KIF16B: variants seen among roughly 807,000 people sequenced by gnomAD.
KIF16B encodes the protein kinesin family member 16B.
Under a neutral mutation model 156.3 loss-of-function variants are expected in KIF16B, and 98 were observed. The ratio of observed to expected loss-of-function variants is 0.63; its 90% CI spans 0.53 to 0.74. The LOEUF (loss-of-function observed/expected upper bound fraction) is 0.74. Among genes scored for constraint, KIF16B ranks in the 30% least tolerant of loss-of-function variants. The probability of loss-of-function intolerance (pLI) is 0.00; values close to 1 mark genes in which losing one functional copy is unlikely to be tolerated. For synonymous variants in KIF16B, 564 were observed against 583.7 expected (o/e 0.97, Z 0.49); for missense variants, 1,421 against 1,606.5 (o/e 0.88, Z 1.97).
intron 8 of KIF16B, 75 bp downstream of exon 8, chr20:16,505,947 A>G: frequency 6.2e-7 from 1 of 1,604,944 alleles, no homozygotes; most frequent in South Asian, 1.1e-5. Context: ...AAATTACCTC[A>G]GTTTGCAACC....
chr20:16,369,738 G>C (rs920145602), intron 22 of KIF16B, among the ~76,000 whole-genome samples: 2 of 152,138 alleles, frequency 1.3e-5, no homozygotes, highest in Non-Finnish European at 2.9e-5. Flanking sequence ...TCTCCTTTTG[G>C]TTTGTTTCAT....
intron 1 of KIF16B, among the ~76,000 whole-genome samples, chr20:16,536,976 C>G (rs1270493037): frequency 1.3e-5 from 2 of 152,122 alleles, no homozygotes; most frequent in African/African-American, 2.4e-5. Context: ...CTAGTCCCTT[C>G]CAATCTACCA....
In KIF16B at chr20:16,447,718, TTC is replaced by T. The variant is rs111558453; in HGVS notation, c.1303-17738_1303-17737del. On this transcript the variant is annotated intron_variant, in intron 12 of 25. Transcript: ENST00000354981. ...AAGCAGCTGTTTCATCCTCATCTAT[TTC>T]TGTTTTAGATGAAATGTAAACTAAA... Among the ~76,000 whole-genome samples the T allele has an allele frequency of 1.3e-3, 194 of 152,306 alleles. 2 individuals carry two copies. Among genetic ancestry groups the T allele is most frequent in the African/African-American group, 4.4e-3 (181 of 41,580 alleles).
intron 25 of KIF16B, among the ~76,000 whole-genome samples, chr20:16,273,846 A>T (rs1041798615): frequency 4.6e-5 from 7 of 152,148 alleles, no homozygotes; most frequent in Non-Finnish European, 8.8e-5. Flanking sequence ...CATCAGACCA[A>T]CCAGAGAAGA....
At chr20:16,348,666 C>T (rs1034791997) in intron 23 of KIF16B, among the ~76,000 whole-genome samples, 13 of 152,156 alleles carry the variant, frequency 8.5e-5, no homozygotes, top group Admixed American at 5.9e-4. Flanking sequence ...GTGTTAAATA[C>T]AGCCAGTAAA....
chr20:16,389,808 C>A (rs1306642970), intron 17 of KIF16B, among the ~76,000 whole-genome samples: 3 of 152,154 alleles, frequency 2.0e-5, no homozygotes, highest in Admixed American at 1.3e-4. Context: ...AAAAGAAGAA[C>A]CCAGCCATCC....
At chr20:16,479,982 T>C (rs889587803) in intron 12 of KIF16B, among the ~76,000 whole-genome samples, 1 of 152,142 alleles carries the variant, frequency 6.6e-6, no homozygotes, top group African/African-American at 2.4e-5. Flanking sequence ...GACGTCTCCC[T>C]TGGAGGGAGG....
At chr20:16,530,209 T>C (rs1190596362) in intron 1 of KIF16B, among the ~76,000 whole-genome samples, 2 of 152,300 alleles carry the variant, frequency 1.3e-5, no homozygotes, top group Non-Finnish European at 2.9e-5. Context: ...ACTAGGGCTG[T>C]GGCGGGCACC....
rs140069764 is a variant in KIF16B, at chr20:16,371,019, G to A, written c.3448-383C>T. Among the ~76,000 whole-genome samples, 612 of 152,020 alleles carry A rather than the reference G, an allele frequency of 4.0e-3. 3 individuals are homozygous for A. The highest frequency in any genetic ancestry group is 0.014 in the African/African-American group (581 of 41,458). ...GATAATTTACAAAATAAATAACTACGGAAATTGGAAGTATTTTGGAAGAAA... is the reference window on the plus strand; with the variant it reads ...GATAATTTACAAAATAAATAACTACAGAAATTGGAAGTATTTTGGAAGAAA... On this transcript the variant is annotated intron_variant, in intron 21 of 25. Transcript: ENST00000354981.
At chr20:16,280,046 T>C (rs1316403133) in intron 25 of KIF16B, among the ~76,000 whole-genome samples, 1 of 152,234 alleles carries the variant, frequency 6.6e-6, no homozygotes, top group Non-Finnish European at 1.5e-5. Flanking sequence ...GGTCATTATA[T>C]TACTATGATT....
intron 19 of KIF16B, among the ~76,000 whole-genome samples, chr20:16,375,163 G>A (rs970563920): frequency 6.6e-6 from 1 of 152,208 alleles, no homozygotes; most frequent in Non-Finnish European, 1.5e-5. Flanking sequence ...CTTGAATCCA[G>A]CCCCATCAGG....
chr20:16,550,210 A>C lies in KIF16B; in HGVS notation c.48-21770T>G, dbSNP rs1276977931. On this transcript the variant is annotated intron_variant, in intron 1 of 25. Transcript: ENST00000354981. ...AAGGACATGAACAGACACTTCTCAAAAGAAGACATTTATGCAGCCAAAAAA... is the reference window on the plus strand; with the variant it reads ...AAGGACATGAACAGACACTTCTCAACAGAAGACATTTATGCAGCCAAAAAA... 3.5e-5 allele frequency among the ~76,000 whole-genome samples: 5 copies of C among 142,438 alleles called. No homozygotes were observed. The East Asian group carries it at 1.0e-3, about 30-fold the overall frequency. The allele number at this position is 142,438 out of a possible 152,430, so 93.4% of individuals were successfully genotyped here. A position where few individuals can be genotyped will look rare whatever the true frequency, so the allele number is the denominator to read the frequency against.
At chr20:16,571,847 T>G (rs1188837252) in intron 1 of KIF16B, among the ~76,000 whole-genome samples, 2 of 152,078 alleles carry the variant, frequency 1.3e-5, no homozygotes, top group Non-Finnish European at 2.9e-5. Context: ...GCCAGGATGG[T>G]CTCCATCTCT....
intron 12 of KIF16B, among the ~76,000 whole-genome samples, chr20:16,437,986 T>TA (rs774876495): frequency 0.048 from 4,730 of 99,440 alleles, 88 homozygotes; most frequent in Middle Eastern, 0.055. Flanking sequence ...TAAAAAAAAA[T>TA]AATAAAAAAA....
chr20:16,402,851 C>A (rs2065689229), intron 17 of KIF16B, among the ~76,000 whole-genome samples: 1 of 152,128 alleles, frequency 6.6e-6, no homozygotes, highest in Non-Finnish European at 1.5e-5. Context: ...CTTTGACCTG[C>A]ATTTTGTAAA....
At chr20:16,345,141 T>C (rs570961752) in intron 23 of KIF16B, among the ~76,000 whole-genome samples, 1 of 152,316 alleles carries the variant, frequency 6.6e-6, no homozygotes, top group Non-Finnish European at 1.5e-5. Context: ...AAAATGTACA[T>C]CTGCCTTGAC....
chr20:16,543,649 C>T (rs2070289534), intron 1 of KIF16B, among the ~76,000 whole-genome samples: 1 of 151,946 alleles, frequency 6.6e-6, no homozygotes, highest in Admixed American at 6.6e-5. Flanking sequence ...TGCTCAAGAC[C>T]AAAGATAATA....
chr20:16,492,647 T>C (rs2068329476), intron 12 of KIF16B, among the ~76,000 whole-genome samples: 1 of 152,002 alleles, frequency 6.6e-6, no homozygotes, highest in Non-Finnish European at 1.5e-5. Flanking sequence ...GTTCTCGGTG[T>C]GGATACCCTT....
intron 23 of KIF16B, among the ~76,000 whole-genome samples, chr20:16,352,983 G>A (rs1173664834): frequency 6.6e-6 from 1 of 152,206 alleles, no homozygotes; most frequent in Non-Finnish European, 1.5e-5. Context: ...CTCACTGTGT[G>A]TACTCAGGAC....
Sources: gnomAD v4.1 joint callset for allele counts (sites outside exome capture counted in the v4.1 genomes callset) on GRCh38, gnomAD v4.1.1 for gene constraint, MANE v1.5 for transcripts, NCBI Gene and HGNC (gene_info 2026-07-23, HGNC 2026-07-21) for gene names.